JPH3: variants seen among roughly 807,000 people sequenced by gnomAD.
The protein encoded by JPH3 is junctophilin-3.
Under a neutral mutation model 59.6 loss-of-function variants are expected in JPH3, and 11 were observed. The observed-to-expected ratio is 0.18, with a 90% CI of 0.12 to 0.31. The LOEUF (loss-of-function observed/expected upper bound fraction) is 0.31. Among genes scored for constraint, JPH3 ranks in the 10% least tolerant of loss-of-function variants. The pLI, the probability that JPH3 is intolerant of heterozygous loss-of-function variation, is 1.00. For synonymous variants in JPH3, 673 were observed against 483.6 expected, an observed-to-expected ratio of 1.39 and a Z score of -5.14; for missense variants, 1,202 against 1,105.7, an observed-to-expected ratio of 1.09 and a Z score of -1.24.
At chr16:87,656,856 G>A (rs1308685688) in intron 2 of JPH3, among the ~76,000 whole-genome samples, 1 of 152,176 alleles carries the variant, frequency 6.6e-6, no homozygotes, top group Non-Finnish European at 1.5e-5. Context: ...CAGTCCAAAT[G>A]CATGGTGCCT....
At chr16:87,621,127 C>G (rs1327577146) in intron 1 of JPH3, among the ~76,000 whole-genome samples, 1 of 152,144 alleles carries the variant, frequency 6.6e-6, no homozygotes, top group Non-Finnish European at 1.5e-5. Flanking sequence ...CCACTGCACT[C>G]CAGCCTGGGC....
At chr16:87,652,070 G>A (rs568776544) in intron 2 of JPH3, among the ~76,000 whole-genome samples, 1 of 152,082 alleles carries the variant, frequency 6.6e-6, no homozygotes, top group African/African-American at 2.4e-5. Context: ...CGCCTCCCAG[G>A]TTCACGCCAT....
intron 1 of JPH3, among the ~76,000 whole-genome samples, chr16:87,614,243 C>A (rs2150824222): frequency 7.6e-6 from 1 of 131,770 alleles, no homozygotes; most frequent in Non-Finnish European, 1.7e-5. Context: ...CACACAGGAG[C>A]TACACGTCCC....
At chr16:87,606,026 G>A (rs955446041) in intron 1 of JPH3, among the ~76,000 whole-genome samples, 3 of 152,192 alleles carry the variant, frequency 2.0e-5, no homozygotes, top group Non-Finnish European at 2.9e-5. Flanking sequence ...TTTCTGGAGG[G>A]CTCCCAGCTT....
chr16:87,695,075 G>C (rs1252890807), intron 4 of JPH3: 1 of 344,632 alleles, frequency 2.9e-6, no homozygotes, highest in Admixed American at 3.9e-5. Context: ...GCCTGGGAGT[G>C]GAACTGCTGG....
intron 2 of JPH3, among the ~76,000 whole-genome samples, chr16:87,671,477 C>G (rs1302928559): frequency 1.3e-5 from 2 of 152,206 alleles, no homozygotes; most frequent in Admixed American, 6.5e-5. Flanking sequence ...TGGGTGGCGG[C>G]CGCTGTGCCT....
At chr16:87,654,479 G>C (rs1567600892) in intron 2 of JPH3, 1 of 152,202 alleles carries the variant, frequency 6.6e-6, no homozygotes, top group Non-Finnish European at 1.5e-5. Context: ...CCTCTTTGTG[G>C]TTAGGTCAGA....
intron 2 of JPH3, among the ~76,000 whole-genome samples, chr16:87,677,225 C>CACACACACAAAA (rs1271128667): frequency 4.9e-5 from 4 of 81,726 alleles, no homozygotes; most frequent in African/African-American, 1.7e-4. Context: ...CACACACACA[C>CACACACACAAAA]AAAAAAAAAA....
chr16:87,619,783 T>C (rs1340721169), intron 1 of JPH3, among the ~76,000 whole-genome samples: 1 of 152,060 alleles, frequency 6.6e-6, no homozygotes, highest in Non-Finnish European at 1.5e-5. Flanking sequence ...CCCTAGGACT[T>C]CTTGGTTGGG....
chr16:87,685,321 A>T (rs184134002), intron 3 of JPH3, among the ~76,000 whole-genome samples: 3 of 152,298 alleles, frequency 2.0e-5, no homozygotes, highest in East Asian at 1.9e-4. Context: ...GGCAGCTTCT[A>T]TTCCACTGCG....
chr16:87,692,983 CA>C (rs1403100985), intron 4 of JPH3, among the ~76,000 whole-genome samples: 2 of 152,224 alleles, frequency 1.3e-5, no homozygotes, highest in African/African-American at 4.8e-5. Flanking sequence ...AACTTTGCAC[CA>C]GGGGTGGCAT....
intron 3 of JPH3, among the ~76,000 whole-genome samples, chr16:87,687,000 C>T (rs1027520132): frequency 2.0e-5 from 3 of 152,324 alleles, no homozygotes; most frequent in Admixed American, 6.5e-5. Context: ...GGTGGCGCCC[C>T]GGAGCCTTCT....
chr16:87,671,344 G>A (rs972633730), intron 2 of JPH3, among the ~76,000 whole-genome samples: 17 of 152,162 alleles, frequency 1.1e-4, no homozygotes, highest in Admixed American at 3.9e-4. Flanking sequence ...CCTCTGACCC[G>A]TCAGGGGCCC....
intron 1 of JPH3, among the ~76,000 whole-genome samples, chr16:87,643,866 G>A (rs1024164463): frequency 6.6e-6 from 1 of 152,204 alleles, no homozygotes; most frequent in Non-Finnish European, 1.5e-5. Context: ...CACCAGGAGT[G>A]GTGTGGCTCA....
intron 2 of JPH3, among the ~76,000 whole-genome samples, chr16:87,679,333 G>A (rs1160697050): frequency 6.6e-6 from 1 of 152,196 alleles, no homozygotes; most frequent in Non-Finnish European, 1.5e-5. Flanking sequence ...GATCTGGAAT[G>A]TTCTCTGGCT....
chr16:87,629,938 C>G (rs147244783), intron 1 of JPH3, among the ~76,000 whole-genome samples: 23 of 152,292 alleles, frequency 1.5e-4, no homozygotes, highest in African/African-American at 5.3e-4. Context: ...ACTCTCTGTA[C>G]TTTCCACTTA....
chr16:87,642,490 A>T (rs1028357763), intron 1 of JPH3, among the ~76,000 whole-genome samples: 1 of 152,216 alleles, frequency 6.6e-6, no homozygotes, highest in Admixed American at 6.5e-5. Context: ...GGTAATTCCA[A>T]TGTTTTATGA....
At chr16:87,696,353 C>G (rs1165231442) in intron 4 of JPH3, 5 of 584,066 alleles carry the variant, frequency 8.6e-6, no homozygotes, top group Non-Finnish European at 1.5e-5. Context: ...AATTCCAGGA[C>G]CAGCAACCTC....
chr16:87,637,444 T>TGTGTGTG (rs774289228), intron 1 of JPH3, among the ~76,000 whole-genome samples: 18 of 128,568 alleles, frequency 1.4e-4, no homozygotes, highest in African/African-American at 6.0e-4. Flanking sequence ...GTGTGTGTGT[T>TGTGTGTG]TTAAATGAAG....
Sources: gnomAD v4.1 joint callset for allele counts (sites outside exome capture counted in the v4.1 genomes callset) on GRCh38, gnomAD v4.1.1 for gene constraint, MANE v1.5 for transcripts, NCBI Gene and HGNC (gene_info 2026-07-23, HGNC 2026-07-21) for gene names.